Variants in PTPRQ observed in about 807,000 individuals in gnomAD.
PTPRQ encodes protein tyrosine phosphatase receptor type Q.
A neutral mutation model predicts 246.0 loss-of-function variants in PTPRQ; 199 were observed. That is an observed-to-expected ratio of 0.81 (90% CI 0.72 to 0.91). The LOEUF is 0.91. PTPRQ is among the 40% of genes least tolerant of loss of function. The probability of loss-of-function intolerance (pLI) is 0.00; values close to 1 mark genes in which losing one functional copy is unlikely to be tolerated. For synonymous variants in PTPRQ, 869 were observed against 853.2 expected, an observed-to-expected ratio of 1.02 and a Z score of -0.32; for missense variants, 2,624 against 2,528.4, an observed-to-expected ratio of 1.04 and a Z score of -0.81.
rs1174298545 is a variant in PTPRQ, at chr12:80,632,275, A to AT, written c.5775dup (p.Ala1926CysfsTer24). The AT allele has an allele frequency of 1.9e-6, 3 of 1,551,040 alleles. No individual in the cohort carries two copies. The Admixed American group carries it at 5.9e-5, about 30-fold the overall frequency. On this transcript the variant is annotated frameshift_variant, in exon 34 of 45. Coordinates refer to ENST00000644991, the MANE Select transcript of PTPRQ (RefSeq NM_001145026.2). LOFTEE classifies it high-confidence loss of function. ...TTCAATAATTCTCCTTGGAACAGCTATTTTTGCATTTGCAAGGTAAGATTT... is the reference window on the plus strand; with the variant it reads ...TTCAATAATTCTCCTTGGAACAGCTATTTTTTGCATTTGCAAGGTAAGATTT...
At chr12:80,540,702 T>C (rs897415829) in intron 20 of PTPRQ, among the ~76,000 whole-genome samples, 2 of 152,122 alleles carry the variant, frequency 1.3e-5, no homozygotes, top group Middle Eastern at 3.2e-3. Context: ...GAACAGTCTT[T>C]TGAATTGTTG....
chr12:80,556,558 C>T (rs927468617), intron 25 of PTPRQ, among the ~76,000 whole-genome samples: 1 of 152,034 alleles, frequency 6.6e-6, no homozygotes, highest in Non-Finnish European at 1.5e-5. Flanking sequence ...TGATATAGAT[C>T]AATAAAAGTC....
chr12:80,523,813 G>A (rs1322553938), intron 17 of PTPRQ, among the ~76,000 whole-genome samples: 1 of 152,266 alleles, frequency 6.6e-6, no homozygotes, highest in Admixed American at 6.5e-5. Context: ...AATAGGTGTG[G>A]TGTTGTGCTG....
At chr12:80,662,718 C>T (rs1900670494) in intron 39 of PTPRQ, among the ~76,000 whole-genome samples, 2 of 151,898 alleles carry the variant, frequency 1.3e-5, no homozygotes, top group Admixed American at 1.3e-4. Flanking sequence ...AATTTAAGGA[C>T]TGCAATGAAA....
intron 25 of PTPRQ, among the ~76,000 whole-genome samples, chr12:80,580,318 G>A (rs910510240): frequency 1.8e-4 from 28 of 152,074 alleles, no homozygotes; most frequent in Admixed American, 1.1e-3. Context: ...AATGTTGATC[G>A]CTTCATCACA....
chr12:80,582,157 A>G (rs571111473), intron 25 of PTPRQ, among the ~76,000 whole-genome samples: 19 of 152,306 alleles, frequency 1.2e-4, no homozygotes, highest in African/African-American at 4.6e-4. Flanking sequence ...GGCTGGTAAA[A>G]TCAAATTCGA....
chr12:80,601,080 G>A (rs1357235904), intron 26 of PTPRQ, among the ~76,000 whole-genome samples: 2 of 151,776 alleles, frequency 1.3e-5, no homozygotes, highest in Non-Finnish European at 2.9e-5. Context: ...TATCTGCTTA[G>A]TGAGGCATGA....
At chr12:80,515,035 T>C (rs1331280031) in intron 17 of PTPRQ, among the ~76,000 whole-genome samples, 1 of 138,744 alleles carries the variant, frequency 7.2e-6, no homozygotes, top group Non-Finnish European at 1.7e-5. Flanking sequence ...CTTATTAACA[T>C]ACTTTAGTGT....
intron 39 of PTPRQ, among the ~76,000 whole-genome samples, chr12:80,661,178 T>C (rs1324561297): frequency 6.6e-6 from 1 of 151,592 alleles, no homozygotes; most frequent in African/African-American, 2.4e-5. Context: ...GAAGAATCTC[T>C]GCTTTTAATG....
chr12:80,488,097 GT>G lies in PTPRQ; in HGVS notation c.1359+3503del, dbSNP rs562962306. Among the ~76,000 whole-genome samples the G allele has an allele frequency of 2.5e-3, 362 of 144,772 alleles. 1 individual carries two copies. The highest frequency in any genetic ancestry group is 7.6e-3 in the African/African-American group (304 of 39,854). 95.0% of individuals were successfully genotyped at this position (144,772 alleles called of 152,430 possible). ...AGAATCCCCTTAGTGCCTTACAGTT[GT>G]TTTTTTTTTTGTCCCATGTGGCCTT... On this transcript the variant is annotated intron_variant, in intron 9 of 44. Coordinates refer to ENST00000644991, the MANE Select transcript of PTPRQ (RefSeq NM_001145026.2).
chr12:80,481,666 C>T (rs1044148379), intron 8 of PTPRQ, among the ~76,000 whole-genome samples: 3 of 152,100 alleles, frequency 2.0e-5, no homozygotes, highest in East Asian at 1.9e-4. Flanking sequence ...TGATAAGCAA[C>T]TTCAGCAAAG....
At chr12:80,616,455 A>G (rs955856209) in intron 30 of PTPRQ, among the ~76,000 whole-genome samples, 189 bp downstream of exon 30, 4 of 151,038 alleles carry the variant, frequency 2.6e-5, no homozygotes, top group African/African-American at 9.7e-5. Context: ...GTGAATTACC[A>G]TGTTAAATAA....
Position 80,622,142 on chromosome 12 carries a change from A to AT in PTPRQ, c.5686+13dup. The AT allele has an allele frequency of 7.1e-7, 1 of 1,399,526 alleles. No homozygotes were observed. The highest frequency in any genetic ancestry group is 3.3e-5 in the Admixed American group (1 of 29,924). The allele number at this position is 1,399,526 out of a possible 1,614,324, so 86.7% of individuals were successfully genotyped here. Reference sequence around the variant, plus strand: ...ACCCTGTTAAGACTTTAGGTAAGACATTTTTGTAATTCATTTATAATCTCA... The same window carrying AT: ...ACCCTGTTAAGACTTTAGGTAAGACATTTTTTGTAATTCATTTATAATCTCA... On this transcript the variant is annotated intron_variant, in intron 33 of 44. Transcript: ENST00000644991.
rs190296718 is a variant in PTPRQ, at chr12:80,622,713, C to A, written c.5686+579C>A. Among the ~76,000 whole-genome samples, 609 of 152,008 alleles carry A rather than the reference C, an allele frequency of 4.0e-3. 8 individuals carry two copies. The highest frequency in any genetic ancestry group is 0.014 in the African/African-American group (588 of 41,484). On this transcript the variant is annotated intron_variant, in intron 33 of 44. Coordinates refer to ENST00000644991, the MANE Select transcript of PTPRQ (RefSeq NM_001145026.2). ...TTACATTACAAATATGGGATTTAGA[C>A]CTGGGTTCAAATCTTGGCTCTGTCA... is the stretch of plus-strand genomic sequence containing the variant.
chr12:80,657,759 T>C (rs1347602670), intron 38 of PTPRQ, among the ~76,000 whole-genome samples: 2 of 151,768 alleles, frequency 1.3e-5, no homozygotes, highest in African/African-American at 4.8e-5. Flanking sequence ...AAAATTAGAA[T>C]ATAAAGAATA....
intron 35 of PTPRQ, among the ~76,000 whole-genome samples, chr12:80,638,113 C>T (rs984931266): frequency 2.0e-5 from 3 of 151,704 alleles, no homozygotes; most frequent in Non-Finnish European, 2.9e-5. Flanking sequence ...ACTAAAAATA[C>T]AAAAATTAGC....
intron 2 of PTPRQ, among the ~76,000 whole-genome samples, chr12:80,445,202 C>A (rs923957500): frequency 1.3e-5 from 2 of 151,832 alleles, no homozygotes. Flanking sequence ...CTTAGTTTTT[C>A]TGTGTAAGCC....
chr12:80,619,870 G>A (rs1898911653), intron 31 of PTPRQ, among the ~76,000 whole-genome samples: 1 of 151,428 alleles, frequency 6.6e-6, no homozygotes, highest in Admixed American at 6.6e-5. Context: ...TGGTAAGATG[G>A]AATCTTGATA....
chr12:80,624,830 T>C (rs184285368), intron 33 of PTPRQ, among the ~76,000 whole-genome samples: 46 of 152,268 alleles, frequency 3.0e-4, no homozygotes, highest in Non-Finnish European at 5.7e-4. Context: ...CTAGGCCACA[T>C]TGGAATAAGA....
Sources: gnomAD v4.1 joint callset for allele counts (sites outside exome capture counted in the v4.1 genomes callset) on GRCh38, gnomAD v4.1.1 for gene constraint, MANE v1.5 for transcripts, NCBI Gene and HGNC (gene_info 2026-07-23, HGNC 2026-07-21) for gene names.